The following UNC45B variants were observed in gnomAD, a reference collection of about 807,000 sequenced individuals.
UNC45B encodes the protein unc-45 myosin chaperone B, also known as protein unc-45 homolog B.
Under a neutral mutation model 98.7 loss-of-function variants are expected in UNC45B, and 78 were observed. That is an observed-to-expected ratio of 0.79 (90% CI 0.66 to 0.95). The LOEUF (loss-of-function observed/expected upper bound fraction) is 0.95. Among genes scored for constraint, UNC45B ranks in the 40% least tolerant of loss-of-function variants. UNC45B has a pLI of 0.00. For synonymous variants in UNC45B, 462 were observed against 480.4 expected (o/e 0.96, Z 0.50); for missense variants, 1,225 against 1,184.9 (o/e 1.03, Z -0.50).
Position 35,150,329 on chromosome 17 carries a change from T to A in UNC45B, c.381+106T>A, listed in dbSNP as rs2092008506. ...TCATCAGGGCAGGGCTAGCCCTACC[T>A]CCACACTCTGAGATAGAGACAGCAA... is the stretch of plus-strand genomic sequence containing the variant. On this transcript the variant is annotated intron_variant, in intron 4 of 19. Transcript: ENST00000394570. 8.8e-6 allele frequency: 11 copies of A among 1,245,434 alleles called. No individual in the cohort carries two copies. The South Asian group carries it at 1.7e-4, about 19-fold the overall frequency. 77.1% of individuals were successfully genotyped at this position (1,245,434 alleles called of 1,614,324 possible). A position where few individuals can be genotyped will look rare whatever the true frequency, so the allele number is the denominator to read the frequency against.
At position 35,186,280 on chromosome 17, in the gene UNC45B, C is replaced by A. The variant is rs2092302918; in HGVS notation, c.2530-19C>A. The A allele has an allele frequency of 6.2e-7, 1 of 1,612,290 alleles. No homozygotes were observed. The highest frequency in any genetic ancestry group is 8.5e-7 in the Non-Finnish European group (1 of 1,179,444). On this transcript the variant is annotated intron_variant, in intron 19 of 19. Transcript: ENST00000394570. ...ACACTCAAACCTAGCACCTTCCTTA[C>A]CTTTTTCCCTGCCTCCAGACAACCC...
rs746800788 is a variant in UNC45B at position 35,148,296 on chromosome 17, G to A, written c.33G>A (p.Glu11=). MAEVEAVQLK[E]EGNRHFQLQD... is the part of the protein sequence containing the mutation. The stretch of plus-strand genomic sequence containing the variant: ...AGGTGGAAGCGGTACAGCTGAAGGA[G>A]GAAGGAAACCGGCATTTCCAGCTCC... Residue 11 remains glutamate (E), a synonymous_variant, in exon 2 of 20, where the codon GAG becomes GAA. Coordinates refer to ENST00000394570, the MANE Select transcript of UNC45B (RefSeq NM_001267052.2). 3.2e-5 allele frequency: 51 copies of A among 1,614,050 alleles called. No homozygotes were observed. Among genetic ancestry groups the A allele is most frequent in the Admixed American group, 5.0e-5 (3 of 60,004 alleles).
chr17:35,163,415 A>C (rs998054987), intron 8 of UNC45B, among the ~76,000 whole-genome samples: 1 of 152,198 alleles, frequency 6.6e-6, no homozygotes, highest in Non-Finnish European at 1.5e-5. Flanking sequence ...CCCAACGGTA[A>C]TAGGAAGCCA....
chr17:35,186,600 G>T lies in UNC45B; in HGVS notation c.*41G>T. 1.2e-6 allele frequency: 2 copies of T among 1,603,434 alleles called. No individual in the cohort carries two copies. The highest frequency in any genetic ancestry group is 1.1e-5 in the South Asian group (1 of 89,374). On this transcript the variant is annotated 3_prime_UTR_variant, in exon 20 of 20. Transcript: ENST00000394570. ...GATGCTGGGAGTGGTCCTGTACTGT[G>T]CAGAGTCCTGGGTTGGTTGGGTTCT...
intron 13 of UNC45B, among the ~76,000 whole-genome samples, chr17:35,173,770 C>T (rs976874422): frequency 2.5e-4 from 38 of 151,462 alleles, no homozygotes; most frequent in Non-Finnish European, 1.8e-4. Context: ...TCCCTTTTGC[C>T]ATGTAAGGTC....
At chr17:35,185,792 A>G (rs1471821423) in intron 19 of UNC45B, among the ~76,000 whole-genome samples, 2 of 152,186 alleles carry the variant, frequency 1.3e-5, no homozygotes, top group African/African-American at 4.8e-5. Context: ...AGCTGAGGCC[A>G]TATGGTTGGT....
At position 35,186,726 on chromosome 17, in the gene UNC45B, T is replaced by C. The variant is rs867337580; in HGVS notation, c.*167T>C. The C allele has an allele frequency of 4.2e-5, 31 of 733,382 alleles. 1 individual carries two copies. The highest frequency in any genetic ancestry group is 4.0e-4 in the Middle Eastern group (1 of 2,528). 45.4% of individuals were successfully genotyped at this position (733,382 alleles called of 1,614,324 possible). A position where few individuals can be genotyped will look rare whatever the true frequency, so the allele number is the denominator to read the frequency against. ...TCTGAGTTGTGAGTCTTCTCCTTTG[T>C]CCTGACAGAGTTTGGATGTTTCACT... is the stretch of plus-strand genomic sequence containing the variant. On this transcript the variant is annotated 3_prime_UTR_variant, in exon 20 of 20. Coordinates refer to ENST00000394570, the MANE Select transcript of UNC45B (RefSeq NM_001267052.2).
At chr17:35,174,647 C>A (rs894915644) in intron 14 of UNC45B, among the ~76,000 whole-genome samples, 1 of 151,898 alleles carries the variant, frequency 6.6e-6, no homozygotes, top group Non-Finnish European at 1.5e-5. Flanking sequence ...TATTGAGACC[C>A]CATCTGTACA....
At chr17:35,160,235 A>G (rs954410425) in intron 8 of UNC45B, among the ~76,000 whole-genome samples, 2 of 152,244 alleles carry the variant, frequency 1.3e-5, no homozygotes, top group African/African-American at 4.8e-5. Context: ...ATCACTTTAC[A>G]TAAGATAAGG....
At chr17:35,154,928 C>T (rs1338786316) in intron 6 of UNC45B, among the ~76,000 whole-genome samples, 187 bp downstream of exon 6, 1 of 152,244 alleles carries the variant, frequency 6.6e-6, no homozygotes, top group East Asian at 1.9e-4. Context: ...ACTGAAAGTG[C>T]CTAAGGCAGA....
chr17:35,152,809 A>G, intron 4 of UNC45B, 84 bp from the exon 5 acceptor site: 1 of 1,022,440 alleles, frequency 9.8e-7, no homozygotes, highest in Non-Finnish European at 1.6e-6. Context: ...TAGACACCTG[A>G]TATTTACTGA....
At chr17:35,156,321 G>A (rs2142539495) in intron 7 of UNC45B, among the ~76,000 whole-genome samples, 1 of 152,264 alleles carries the variant, frequency 6.6e-6, no homozygotes, top group African/African-American at 2.4e-5. Context: ...CCACTGAACT[G>A]AACACTTAAA....
chr17:35,160,502 G>A (rs1407088873), intron 8 of UNC45B, among the ~76,000 whole-genome samples: 1 of 152,094 alleles, frequency 6.6e-6, no homozygotes, highest in African/African-American at 2.4e-5. Flanking sequence ...GCAGTGGCGT[G>A]ATCATAGTCA....
At chr17:35,162,945 C>T (rs2092111916) in intron 8 of UNC45B, among the ~76,000 whole-genome samples, 1 of 152,204 alleles carries the variant, frequency 6.6e-6, no homozygotes, top group Non-Finnish European at 1.5e-5. Flanking sequence ...AAATCCATCT[C>T]TCTGTTGCCC....
intron 13 of UNC45B, among the ~76,000 whole-genome samples, chr17:35,172,210 G>A (rs2092192188): frequency 6.6e-6 from 1 of 151,882 alleles, no homozygotes; most frequent in Non-Finnish European, 1.5e-5. Context: ...GGAAAAATAT[G>A]TTTTTCACAT....
At chr17:35,160,526 C>T (rs2092096039) in intron 8 of UNC45B, among the ~76,000 whole-genome samples, 1 of 152,172 alleles carries the variant, frequency 6.6e-6, no homozygotes, top group South Asian at 2.1e-4. Flanking sequence ...CAACCTCAAA[C>T]TCCTGGGCTA....
rs1003516982 is a variant in UNC45B at position 35,177,499 on chromosome 17, A to G, written c.2144A>G (p.Tyr715Cys). 1 of 1,559,298 alleles carries G rather than the reference A, an allele frequency of 6.4e-7. No homozygotes were observed. Among genetic ancestry groups the G allele is most frequent in the Non-Finnish European group, 8.7e-7 (1 of 1,150,860 alleles). The change falls in exon 17 of 20, where the codon TAT (tyrosine) becomes TGT (cysteine). Residue 715 changes from tyrosine to cysteine, a missense_variant. Transcript: ENST00000394570. ...CCCTTGACCCCTCCCCAACAGGTGT[A>G]TGAGGTGGTGCGGCCCCTTGTAAGA... ...PDIAFPGERVYEVVRPLVRLL... is the reference protein window; with the variant it reads ...PDIAFPGERVCEVVRPLVRLL...
intron 12 of UNC45B, among the ~76,000 whole-genome samples, chr17:35,170,698 T>C (rs963963154): frequency 1.3e-5 from 2 of 151,890 alleles, no homozygotes; most frequent in African/African-American, 4.8e-5. Context: ...TAGCTGGGCG[T>C]GGTGGCACAT....
intron 7 of UNC45B, among the ~76,000 whole-genome samples, chr17:35,155,800 C>T (rs2092056824): frequency 6.6e-6 from 1 of 152,172 alleles, no homozygotes; most frequent in African/African-American, 2.4e-5. Flanking sequence ...AAACTCCAGA[C>T]CTCAGGTGAT....
Sources: gnomAD v4.1 joint callset for allele counts (sites outside exome capture counted in the v4.1 genomes callset) on GRCh38, gnomAD v4.1.1 for gene constraint, MANE v1.5 for transcripts, NCBI Gene and HGNC (gene_info 2026-07-23, HGNC 2026-07-21) for gene names.